Variants in AHRR observed in about 807,000 individuals in gnomAD.
AHRR encodes the protein aryl hydrocarbon receptor repressor.
In AHRR, 28 loss-of-function variants were observed where a neutral mutation model predicts 44.0. The observed-to-expected ratio is 0.64, with a 90% CI of 0.47 to 0.87. The LOEUF (loss-of-function observed/expected upper bound fraction) is 0.87, where lower values mean the gene tolerates loss of function less well. Ranked by LOEUF, AHRR falls within the 40% of genes least tolerant of loss-of-function variation. AHRR has a pLI of 0.00. For missense variants in AHRR, 990 were observed against 953.9 expected (o/e 1.04, Z -0.50); for synonymous variants, 434 against 407.0 (o/e 1.07, Z -0.80).
chr5:427,879 C>G lies in AHRR; in HGVS notation c.781C>G (p.Pro261Ala), dbSNP rs912194668. ...GAAGGCGCCGTCAGGAGCCATGCTCCCGCCGCGGCTGTCGCTGTTCTGCAT... is the reference window on the plus strand; with the variant it reads ...GAAGGCGCCGTCAGGAGCCATGCTCGCGCCGCGGCTGTCGCTGTTCTGCAT... ...KKKAPSGAML[P>A]PRLSLFCIAA... The change falls in exon 8 of 11, where the codon CCG becomes GCG. Residue 261 changes from proline to alanine, a missense_variant. Physicochemically the swap from Pro to Ala is conservative, Grantham distance 27. Coordinates refer to ENST00000684583, the MANE Select transcript of AHRR (RefSeq NM_001377236.1). 6.2e-7 allele frequency: 1 copy of G among 1,614,010 alleles called. No individual in the cohort carries two copies. Among genetic ancestry groups the G allele is most frequent in the African/African-American group, 1.3e-5 (1 of 74,954 alleles).
intron 4 of AHRR, among the ~76,000 whole-genome samples, chr5:379,822 G>A (rs1733909776): frequency 6.6e-6 from 1 of 152,170 alleles, no homozygotes; most frequent in Non-Finnish European, 1.5e-5. Flanking sequence ...ATTACAGATA[G>A]TGAAAGTATT....
At chr5:403,528 C>A (rs1364904437) in intron 4 of AHRR, among the ~76,000 whole-genome samples, 2 of 151,310 alleles carry the variant, frequency 1.3e-5, no homozygotes, top group Non-Finnish European at 2.9e-5. Flanking sequence ...CCCAGCTACT[C>A]GGGAGGCTGC....
intron 4 of AHRR, among the ~76,000 whole-genome samples, chr5:391,553 A>G (rs372588280): frequency 2.3e-4 from 4 of 17,292 alleles, no homozygotes; most frequent in Non-Finnish European, 3.9e-4. Context: ...AGGGCGAGGC[A>G]GGGCCAGAGC....
intron 3 of AHRR, among the ~76,000 whole-genome samples, chr5:360,315 G>T (rs1743132810): frequency 6.6e-6 from 1 of 152,234 alleles, no homozygotes; most frequent in Non-Finnish European, 1.5e-5. Flanking sequence ...CCCTGATGAC[G>T]GGCTTTTAGC....
In AHRR at chr5:434,531, T is replaced by G. The variant is rs776381284; in HGVS notation, c.1791T>G (p.His597Gln). 3.5e-5 allele frequency: 56 copies of G among 1,610,824 alleles called. No individual in the cohort carries two copies. Among genetic ancestry groups the G allele is most frequent in the Non-Finnish European group, 3.6e-5 (43 of 1,179,132 alleles). ...LGHGVRGAQP[H>Q]GRATAGRSRE... is the part of the protein sequence containing the mutation. ...ACGGCGTGCGGGGGGCTCAGCCCCA[T>G]GGGAGGGCCACTGCTGGGCGCAGCA... The change falls in exon 11 of 11, where the codon CAT becomes CAG. Residue 597 changes from histidine to glutamine, a missense_variant. Coordinates refer to ENST00000684583, the MANE Select transcript of AHRR (RefSeq NM_001377236.1).
At chr5:331,423 G>C (rs976530853) in intron 1 of AHRR, among the ~76,000 whole-genome samples, 1 of 151,770 alleles carries the variant, frequency 6.6e-6, no homozygotes, top group East Asian at 1.9e-4. Flanking sequence ...TTGTTTATTT[G>C]GGTCTTCTCT....
chr5:340,698 T>A lies in AHRR; in HGVS notation c.-10-3195T>A, dbSNP rs1357655520. 6.1e-3 allele frequency among the ~76,000 whole-genome samples: 283 copies of A among 46,074 alleles called. 5 individuals are homozygous for A. Among genetic ancestry groups the A allele is most frequent in the African/African-American group, 0.013 (153 of 12,004 alleles). The allele number at this position is 46,074 out of a possible 152,430, so 30.2% of individuals were successfully genotyped here. ...TATATATATATATATATTTTTTTTT[T>A]TTTTTTTTTTTTTTTGAGTTGGAGT... is the stretch of plus-strand genomic sequence containing the variant. On this transcript the variant is annotated intron_variant, in intron 1 of 10. Coordinates refer to ENST00000684583, the MANE Select transcript of AHRR (RefSeq NM_001377236.1).
intron 5 of AHRR, chr5:421,227 A>G: frequency 1.5e-6 from 1 of 686,390 alleles, no homozygotes; most frequent in Non-Finnish European, 2.6e-6. Flanking sequence ...CCTCGTCGGC[A>G]ACGCCCACCC....
chr5:388,069 T>C lies in AHRR; in HGVS notation c.351+11353T>C, dbSNP rs79447752. ...GGGCCCACCCTAATCCAGTGTGACC[T>C]CATCTCAGCTTCGTGACATCCGCCA... On this transcript the variant is annotated intron_variant, in intron 4 of 10. Transcript: ENST00000684583. The surrounding 1 kb of genome is among the most constrained non-coding windows in gnomAD (Gnocchi z 5.2). Among the ~76,000 whole-genome samples, 3,882 of 152,306 alleles carry C rather than the reference T, an allele frequency of 0.025. 156 individuals are homozygous for C. Among genetic ancestry groups the C allele is most frequent in the African/African-American group, 0.087 (3,621 of 41,560 alleles).
intron 1 of AHRR, among the ~76,000 whole-genome samples, chr5:333,051 C>G (rs1341363575): frequency 6.6e-6 from 1 of 151,650 alleles, no homozygotes; most frequent in Non-Finnish European, 1.5e-5. Flanking sequence ...CCCCACCCCC[C>G]GCCTTTACTT....
chr5:377,814 G>C (rs998765255), intron 4 of AHRR, among the ~76,000 whole-genome samples: 1 of 152,236 alleles, frequency 6.6e-6, no homozygotes, highest in African/African-American at 2.4e-5. Flanking sequence ...CCTGCTCCCA[G>C]CAGCGTGGGA....
At chr5:376,543 T>TGTGA (rs1733679566) in intron 3 of AHRR, 67 bp from the exon 4 acceptor site, 8 of 1,397,714 alleles carry the variant, frequency 5.7e-6, no homozygotes, top group South Asian at 4.2e-5. Context: ...ACAGGAAAGA[T>TGTGA]GTGAATGAAG....
At chr5:432,772 C>G in intron 9 of AHRR, 34 bp from the exon 10 acceptor site, 1 of 1,612,668 alleles carries the variant, frequency 6.2e-7, no homozygotes, top group Non-Finnish European at 8.5e-7. Flanking sequence ...CAGCTCGCAC[C>G]GTGACGGCTT....
intron 4 of AHRR, among the ~76,000 whole-genome samples, chr5:403,382 T>C (rs542407485): frequency 2.0e-5 from 3 of 152,280 alleles, no homozygotes; most frequent in Admixed American, 2.0e-4. Context: ...CACCCTGTAA[T>C]CCCAGCACTT....
chr5:385,907 C>T (rs900383039), intron 4 of AHRR, among the ~76,000 whole-genome samples: 17 of 152,046 alleles, frequency 1.1e-4, no homozygotes, highest in African/African-American at 4.1e-4. Context: ...TCATTTTTTT[C>T]AATGTTTTCT....
intron 4 of AHRR, among the ~76,000 whole-genome samples, chr5:408,663 C>T (rs541612187): frequency 2.0e-5 from 3 of 152,232 alleles, no homozygotes; most frequent in African/African-American, 7.2e-5. Flanking sequence ...ATTTTACTCT[C>T]CATATCAGAG....
chr5:339,226 A>G (rs1447779411), intron 1 of AHRR, among the ~76,000 whole-genome samples: 1 of 152,090 alleles, frequency 6.6e-6, no homozygotes, highest in East Asian at 1.9e-4. Context: ...GTGATCCTCC[A>G]GCCTCAGACT....
chr5:423,722 T>C, intron 6 of AHRR, 119 bp from the exon 7 acceptor site: 26 of 1,323,978 alleles, frequency 2.0e-5, no homozygotes, highest in Non-Finnish European at 2.6e-5. Flanking sequence ...GGCGGGAGGA[T>C]GGCACAGTGA....
chr5:339,555 T>G (rs970576798), intron 1 of AHRR, among the ~76,000 whole-genome samples: 2 of 152,242 alleles, frequency 1.3e-5, no homozygotes, highest in African/African-American at 4.8e-5. Flanking sequence ...CTTATTGCCC[T>G]GGCTAGTACA....
Sources: allele counts gnomAD v4.1 joint callset (sites outside exome capture counted in the v4.1 genomes callset), GRCh38; gene constraint gnomAD v4.1.1; non-coding constraint Gnocchi (gnomAD v3.1); transcripts MANE v1.5; gene names NCBI Gene and HGNC (gene_info 2026-07-23, HGNC 2026-07-21).